The following HAAO variants were observed in gnomAD, a reference collection of about 807,000 sequenced individuals.
HAAO encodes 3-hydroxyanthranilate oxygenase.
In HAAO, 49 loss-of-function variants were observed where a neutral mutation model predicts 46.2. That is an observed-to-expected ratio of 1.06 (90% CI 0.84 to 1.34). The LOEUF (loss-of-function observed/expected upper bound fraction) is 1.34, where lower values mean the gene tolerates loss of function less well. Ranked by LOEUF, HAAO falls within the 40% of genes most tolerant of loss-of-function variation. The probability of loss-of-function intolerance (pLI) is 0.00; values close to 1 mark genes in which losing one functional copy is unlikely to be tolerated. For missense variants in HAAO, 408 were observed against 364.5 expected (o/e 1.12, Z -0.97); for synonymous variants, 157 against 145.2 (o/e 1.08, Z -0.58).
chr2:42,783,488 A>G, intron 3 of HAAO, 68 bp from the exon 4 acceptor site: 1 of 986,784 alleles, frequency 1.0e-6, no homozygotes, highest in African/African-American at 1.6e-5. Flanking sequence ...CGCCCCCAAC[A>G]TCCTGGGCAT....
chr2:42,790,981 A>G (rs562508107), intron 1 of HAAO, among the ~76,000 whole-genome samples: 17 of 152,286 alleles, frequency 1.1e-4, no homozygotes, highest in African/African-American at 3.6e-4. Context: ...ACTCTTCAGC[A>G]GCTTCTCACC....
chr2:42,790,060 C>A (rs1672673888), intron 1 of HAAO, among the ~76,000 whole-genome samples: 1 of 152,078 alleles, frequency 6.6e-6, no homozygotes, highest in Non-Finnish European at 1.5e-5. Flanking sequence ...GTGTGGATGG[C>A]AGGGGAGGGG....
intron 2 of HAAO, among the ~76,000 whole-genome samples, chr2:42,785,901 A>G (rs769778472): frequency 1.3e-5 from 2 of 151,806 alleles, no homozygotes; most frequent in Non-Finnish European, 2.9e-5. Flanking sequence ...ACAAACAAAA[A>G]CCCCATAAGC....
At chr2:42,770,633 AG>A in intron 4 of HAAO, 51 bp from the exon 5 acceptor site, 1 of 1,243,004 alleles carries the variant, frequency 8.0e-7, no homozygotes. Context: ...GGGTGGCTTC[AG>A]GGCAGCCCCA....
At chr2:42,791,533 G>A (rs973746263) in intron 1 of HAAO, among the ~76,000 whole-genome samples, 2 of 152,114 alleles carry the variant, frequency 1.3e-5, no homozygotes, top group East Asian at 3.9e-4. Context: ...CTCTGGAGTC[G>A]AACTGCTCCG....
rs777873290 is a variant in HAAO, at chr2:42,767,884, A to G, written c.675T>C (p.Asn225=). 6 of 1,614,056 alleles carry G rather than the reference A, an allele frequency of 3.7e-6. No individual in the cohort carries two copies. The highest frequency in any genetic ancestry group is 5.1e-6 in the Non-Finnish European group (6 of 1,179,900). The part of the protein sequence containing the change: ...GQGSSEGLRQ[N]VDVWLWQLEG... ...CCAGCTGCCACAGCCACACGTCCAC[A>G]TTCTGTCTCAGGCCTTCGCTGCTGC... Residue 225 remains asparagine (N), a synonymous_variant, in exon 8 of 10, where the codon AAT becomes AAC. Transcript: ENST00000294973.
intron 4 of HAAO, among the ~76,000 whole-genome samples, chr2:42,771,232 T>TAAA (rs35569344): frequency 2.9e-5 from 4 of 140,144 alleles, no homozygotes; most frequent in Non-Finnish European, 4.7e-5. Flanking sequence ...ATAATAATAA[T>TAAA]AAATAAATAC....
At chr2:42,770,346 G>T in intron 5 of HAAO, 147 bp downstream of exon 5, 2 of 868,916 alleles carry the variant, frequency 2.3e-6, no homozygotes, top group Non-Finnish European at 3.7e-6. Context: ...CTCCCAGCGG[G>T]GCTGCTGCTC....
intron 2 of HAAO, among the ~76,000 whole-genome samples, chr2:42,787,146 TCTC>T (rs1439953694): frequency 1.3e-5 from 2 of 152,078 alleles, no homozygotes; most frequent in Non-Finnish European, 2.9e-5. Flanking sequence ...GCTGGCCAGC[TCTC>T]CTTATCACTC....
At chr2:42,769,174 CTT>C (rs1670891039) in intron 7 of HAAO, among the ~76,000 whole-genome samples, 1 of 152,224 alleles carries the variant, frequency 6.6e-6, no homozygotes, top group Admixed American at 6.5e-5. Context: ...TTGTCCATCT[CTT>C]TAACAAACTA....
chr2:42,770,200 C>T lies in HAAO; in HGVS notation c.441-14G>A, dbSNP rs1439832433. On this transcript the variant is annotated splice_polypyrimidine_tract_variant and intron_variant, in intron 5 of 9. Transcript: ENST00000294973. The stretch of plus-strand genomic sequence containing the variant: ...GAGCTGAAGAACCTGCAAGGACGAA[C>T]AGGGAGGAGCAGGAGTGGCGAGCAC... 2 of 1,590,310 alleles carry T rather than the reference C, an allele frequency of 1.3e-6. No individual in the cohort carries two copies. The highest frequency in any genetic ancestry group is 2.3e-5 in the East Asian group (1 of 43,636).
In HAAO at chr2:42,770,201, AGGGAGGAGCAGGAG is replaced by A. The variant is rs1671001001; in HGVS notation, c.441-29_441-16del. On this transcript the variant is annotated splice_polypyrimidine_tract_variant and intron_variant, in intron 5 of 9. Coordinates refer to ENST00000294973, the MANE Select transcript of HAAO (RefSeq NM_012205.3). Reference sequence around the variant, plus strand: ...AGCTGAAGAACCTGCAAGGACGAACAGGGAGGAGCAGGAGTGGCGAGCACTCCCATCGGAGTGGC... The same window carrying A: ...AGCTGAAGAACCTGCAAGGACGAACATGGCGAGCACTCCCATCGGAGTGGC... 6.3e-7 allele frequency: 1 copy of A among 1,590,416 alleles called. No homozygotes were observed. The highest frequency in any genetic ancestry group is 2.3e-5 in the East Asian group (1 of 43,642).
At chr2:42,780,524 T>G (rs1671911886) in intron 4 of HAAO, among the ~76,000 whole-genome samples, 1 of 151,914 alleles carries the variant, frequency 6.6e-6, no homozygotes, top group African/African-American at 2.4e-5. Flanking sequence ...TGTTCTTAAG[T>G]GCAGGTTTCT....
Position 42,767,289 on chromosome 2 carries a change from G to A in HAAO, c.*148C>T. 1 of 666,542 alleles carries A rather than the reference G, an allele frequency of 1.5e-6. No homozygotes were observed. Among genetic ancestry groups the A allele is most frequent in the Non-Finnish European group, 2.7e-6 (1 of 366,910 alleles). 41.3% of individuals were successfully genotyped at this position (666,542 alleles called of 1,614,324 possible). A position where few individuals can be genotyped will look rare whatever the true frequency, so the allele number is the denominator to read the frequency against. On this transcript the variant is annotated 3_prime_UTR_variant, in exon 10 of 10. Coordinates refer to ENST00000294973, the MANE Select transcript of HAAO (RefSeq NM_012205.3). The stretch of plus-strand genomic sequence containing the variant: ...CATGGCATCTGGGCTGAGAAGGGCA[G>A]GAGGGTGGGTGACAACAATGTGCAG...
At chr2:42,768,126 G>A (rs1479982739) in intron 7 of HAAO, among the ~76,000 whole-genome samples, 198 bp from the exon 8 acceptor site, 1 of 152,254 alleles carries the variant, frequency 6.6e-6, no homozygotes, top group Non-Finnish European at 1.5e-5. Context: ...GCCCGCCGCT[G>A]CAACAGGTAT....
At position 42,767,507 on chromosome 2, in the gene HAAO, C is replaced by G. The variant is rs146242229; in HGVS notation, c.791G>C (p.Trp264Ser). The G allele has an allele frequency of 1.6e-5, 25 of 1,611,766 alleles. No homozygotes were observed. In the African/African-American group the frequency reaches 2.7e-4, roughly 17 times the overall value. Residue 264 changes from tryptophan to serine, a missense_variant, in exon 10 of 10, where the codon TGG becomes TCG. Transcript: ENST00000294973. ...LLVLAGTSYA[W>S]ERTQGSVALS... ...GGCCACAGAGCCTTGTGTTCGCTCC[C>G]AGGCATACCTGTGGACACACAGATG... is the stretch of plus-strand genomic sequence containing the variant.
intron 4 of HAAO, among the ~76,000 whole-genome samples, chr2:42,777,931 T>C (rs1277253080): frequency 6.6e-6 from 1 of 152,108 alleles, no homozygotes; most frequent in Non-Finnish European, 1.5e-5. Context: ...GTAAAGAAAG[T>C]CATAAAAACA....
chr2:42,786,406 T>A (rs1450132681), intron 2 of HAAO, among the ~76,000 whole-genome samples: 2 of 152,166 alleles, frequency 1.3e-5, no homozygotes, highest in Non-Finnish European at 1.5e-5. Context: ...CTCAGGCAGA[T>A]AATGAATAGA....
intron 1 of HAAO, among the ~76,000 whole-genome samples, chr2:42,790,636 A>G (rs1443121881): frequency 6.6e-6 from 1 of 151,812 alleles, no homozygotes; most frequent in East Asian, 1.9e-4. Flanking sequence ...GGTTCAAGCA[A>G]TTCTCCTGCC....
Sources: gnomAD v4.1 joint callset for allele counts (sites outside exome capture counted in the v4.1 genomes callset) on GRCh38, gnomAD v4.1.1 for gene constraint, MANE v1.5 for transcripts, NCBI Gene and HGNC (gene_info 2026-07-23, HGNC 2026-07-21) for gene names.